LPAR1: variants seen among roughly 807,000 people sequenced by gnomAD.
The protein encoded by LPAR1 is LPA receptor 1.
Under a neutral mutation model 23.8 loss-of-function variants are expected in LPAR1, and 5 were observed. That is an observed-to-expected ratio of 0.21 (90% CI 0.11 to 0.44). The LOEUF (loss-of-function observed/expected upper bound fraction) is 0.44, where lower values mean the gene tolerates loss of function less well. Among genes scored for constraint, LPAR1 ranks in the 20% least tolerant of loss-of-function variants. The pLI is 0.99. For synonymous variants in LPAR1, 160 were observed against 164.7 expected (o/e 0.97, Z 0.22); for missense variants, 311 against 482.8 (o/e 0.64, Z 3.33).
At chr9:110,943,016 A>ATAAT (rs61575666) in intron 4 of LPAR1, among the ~76,000 whole-genome samples, 90,138 of 148,312 alleles carry the variant, frequency 0.61, 28,002 homozygotes, top group East Asian at 0.97. Context: ...ATTATTTACA[A>ATAAT]TATTTATAAT....
chr9:110,920,529 A>T (rs1450554031), intron 5 of LPAR1, among the ~76,000 whole-genome samples: 1 of 152,204 alleles, frequency 6.6e-6, no homozygotes, highest in East Asian at 1.9e-4. Context: ...CATTGTTTAA[A>T]AAGACATCAG....
At chr9:110,984,386 T>C (rs2096736089) in intron 2 of LPAR1, among the ~76,000 whole-genome samples, 3 of 152,146 alleles carry the variant, frequency 2.0e-5, no homozygotes, top group Middle Eastern at 6.8e-3. Context: ...GTTCCATCCA[T>C]GTTGTTGCAA....
chr9:111,017,061 C>A (rs1381611474), intron 2 of LPAR1, among the ~76,000 whole-genome samples: 1 of 152,146 alleles, frequency 6.6e-6, no homozygotes, highest in Admixed American at 6.6e-5. Context: ...AGTTGTCCCC[C>A]CTGGTTAGTC....
At chr9:110,900,670 T>C (rs923104995) in intron 5 of LPAR1, among the ~76,000 whole-genome samples, 1 of 152,234 alleles carries the variant, frequency 6.6e-6, no homozygotes, top group Non-Finnish European at 1.5e-5. Flanking sequence ...ATCACTAGTA[T>C]AAAATTACAT....
chr9:110,916,313 G>A (rs979003162), intron 5 of LPAR1, among the ~76,000 whole-genome samples: 3 of 152,114 alleles, frequency 2.0e-5, no homozygotes, highest in African/African-American at 7.2e-5. Context: ...ACGGAGCTGG[G>A]ATCTTACTCT....
intron 5 of LPAR1, among the ~76,000 whole-genome samples, chr9:110,909,640 C>T (rs1443521380): frequency 1.3e-5 from 2 of 152,164 alleles, no homozygotes; most frequent in African/African-American, 2.4e-5. Flanking sequence ...CTTGGTAATC[C>T]TCACAATATT....
chr9:111,037,978 C>A (rs1477713234), intron 1 of LPAR1, 189 bp downstream of exon 1: 1 of 152,136 alleles, frequency 6.6e-6, no homozygotes, highest in African/African-American at 2.4e-5. Context: ...CGGCCACCCA[C>A]CCGCGCCGCG....
chr9:111,014,071 A>G (rs775334477), intron 2 of LPAR1, among the ~76,000 whole-genome samples: 8 of 152,078 alleles, frequency 5.3e-5, no homozygotes, highest in African/African-American at 1.4e-4. Context: ...TCCAAGGTCA[A>G]TTCTCACAAT....
chr9:110,921,030 C>G (rs1018198396), intron 5 of LPAR1, among the ~76,000 whole-genome samples: 1 of 151,780 alleles, frequency 6.6e-6, no homozygotes, highest in Non-Finnish European at 1.5e-5. Flanking sequence ...TAGCTGCACA[C>G]GAGGCTAAAG....
intron 5 of LPAR1, among the ~76,000 whole-genome samples, chr9:110,916,730 C>T (rs1588303235): frequency 6.6e-6 from 1 of 152,114 alleles, no homozygotes; most frequent in East Asian, 1.9e-4. Context: ...CTAGAGAATG[C>T]TAATTACTCC....
intron 5 of LPAR1, among the ~76,000 whole-genome samples, chr9:110,931,518 G>A (rs2094415270): frequency 6.6e-6 from 1 of 151,938 alleles, no homozygotes; most frequent in Non-Finnish European, 1.5e-5. Context: ...CTGTGCAGAA[G>A]CTCTTAATTA....
At position 111,030,090 on chromosome 9, in the gene LPAR1, C is replaced by T. The variant is rs546443178; in HGVS notation, c.-182+6032G>A. ...AAAAAATTTAGTGTCCTCAGCCAAA[C>T]GTAAGGACACAGAAGTTCTCCAAGA... On this transcript the variant is annotated intron_variant, in intron 2 of 5. Coordinates refer to ENST00000683809, the MANE Select transcript of LPAR1 (RefSeq NM_001351411.2). Among the ~76,000 whole-genome samples, 31 of 149,378 alleles carry T rather than the reference C, an allele frequency of 2.1e-4. 1 individual carries two copies. Among genetic ancestry groups the T allele is most frequent in the Admixed American group, 1.4e-3 (21 of 14,992 alleles).
At chr9:110,946,238 A>C (rs917314693) in intron 4 of LPAR1, among the ~76,000 whole-genome samples, 3 of 152,154 alleles carry the variant, frequency 2.0e-5, no homozygotes, top group Non-Finnish European at 4.4e-5. Context: ...TTCAAGATGC[A>C]CCAGGGGTCC....
At chr9:110,880,003 C>A (rs1468286339) in intron 5 of LPAR1, among the ~76,000 whole-genome samples, 1 of 152,154 alleles carries the variant, frequency 6.6e-6, no homozygotes, top group Non-Finnish European at 1.5e-5. Flanking sequence ...GAGGTACCTG[C>A]AAGACATCTA....
intron 4 of LPAR1, among the ~76,000 whole-genome samples, chr9:110,947,968 A>G (rs1377921967): frequency 2.0e-5 from 3 of 152,190 alleles, no homozygotes; most frequent in African/African-American, 4.8e-5. Flanking sequence ...TTAAAATACA[A>G]TAGAGTGAGC....
rs150788579 is a variant in LPAR1, at chr9:110,966,435, C to T, written c.45+5638G>A. 7.2e-3 allele frequency among the ~76,000 whole-genome samples: 1,076 copies of T among 149,250 alleles called. 7 individuals carry two copies. The highest frequency in any genetic ancestry group is 0.012 in the Non-Finnish European group (797 of 67,568). On this transcript the variant is annotated intron_variant, in intron 4 of 5. Transcript: ENST00000683809. ...CAGAGGTTGTGGCGAGCCAAGATCA[C>T]GACATTGCACTCCAGCCTGGGCAAC...
At chr9:110,888,144 T>C (rs960268299) in intron 5 of LPAR1, among the ~76,000 whole-genome samples, 1 of 152,214 alleles carries the variant, frequency 6.6e-6, no homozygotes, top group Non-Finnish European at 1.5e-5. Flanking sequence ...AATGATACTT[T>C]AAACATCTTA....
At chr9:111,020,250 A>T (rs1201697522) in intron 2 of LPAR1, among the ~76,000 whole-genome samples, 1 of 152,250 alleles carries the variant, frequency 6.6e-6, no homozygotes, top group African/African-American at 2.4e-5. Context: ...TAGAAAGAAT[A>T]CATTTAGTCA....
chr9:111,018,718 A>C (rs2097503509), intron 2 of LPAR1, among the ~76,000 whole-genome samples: 1 of 152,232 alleles, frequency 6.6e-6, no homozygotes, highest in African/African-American at 2.4e-5. Context: ...TTGAAAGTTA[A>C]GTTTTTAAAC....
Sources: gnomAD v4.1 joint callset for allele counts (sites outside exome capture counted in the v4.1 genomes callset) on GRCh38, gnomAD v4.1.1 for gene constraint, MANE v1.5 for transcripts, NCBI Gene and HGNC (gene_info 2026-07-23, HGNC 2026-07-21) for gene names.